The following RASSF8 variants were observed in gnomAD, a reference collection of about 807,000 sequenced individuals.
RASSF8 encodes the protein ras association domain-containing protein 8.
Under a neutral mutation model 48.5 loss-of-function variants are expected in RASSF8, and 22 were observed. That is an observed-to-expected ratio of 0.45 (90% confidence interval 0.32 to 0.65). RASSF8 has a LOEUF of 0.65. RASSF8 is among the 30% of genes least tolerant of loss of function. The pLI is 0.03. For synonymous variants in RASSF8, 127 were observed against 171.5 expected (o/e 0.74, Z 2.03); for missense variants, 418 against 489.2 (o/e 0.85, Z 1.37).
At chr12:26,014,464 G>T (rs1047446485) in intron 2 of RASSF8, among the ~76,000 whole-genome samples, 12 of 152,278 alleles carry the variant, frequency 7.9e-5, no homozygotes, top group African/African-American at 2.9e-4. Context: ...TGTTTTATAG[G>T]AAGAACAGAC....
At chr12:26,010,990 A>C (rs903116044) in intron 2 of RASSF8, among the ~76,000 whole-genome samples, 1 of 152,122 alleles carries the variant, frequency 6.6e-6, no homozygotes, top group East Asian at 1.9e-4. Flanking sequence ...CCTTCCTTGG[A>C]ATCCAAAAGT....
intron 2 of RASSF8, among the ~76,000 whole-genome samples, chr12:26,041,897 G>A (rs1164170869): frequency 2.0e-5 from 3 of 152,036 alleles, no homozygotes; most frequent in African/African-American, 7.3e-5. Context: ...AATTTTGCTG[G>A]ATAGCTCTAC....
At chr12:26,026,939 G>T (rs1020944304) in intron 2 of RASSF8, among the ~76,000 whole-genome samples, 1 of 152,012 alleles carries the variant, frequency 6.6e-6, no homozygotes, top group Non-Finnish European at 1.5e-5. Flanking sequence ...GCAAAAAGTT[G>T]TACATGAATG....
At chr12:26,005,890 C>T (rs1157999585) in intron 2 of RASSF8, among the ~76,000 whole-genome samples, 1 of 152,196 alleles carries the variant, frequency 6.6e-6, no homozygotes, top group East Asian at 1.9e-4. Context: ...GACAGTTTCC[C>T]TGTGATCTTC....
chr12:25,979,770 T>A (rs1232705926), intron 1 of RASSF8, among the ~76,000 whole-genome samples: 2 of 152,124 alleles, frequency 1.3e-5, no homozygotes, highest in Non-Finnish European at 2.9e-5. Context: ...AGGAGAGAGG[T>A]TGAGTACCCA....
chr12:26,022,631 AATAG>A (rs895574184), intron 2 of RASSF8, among the ~76,000 whole-genome samples: 10 of 152,326 alleles, frequency 6.6e-5, no homozygotes, highest in East Asian at 3.9e-4. Flanking sequence ...AATATTGGTA[AATAG>A]ATAGAAATTA....
At chr12:25,992,217 T>C (rs976598594) in intron 1 of RASSF8, among the ~76,000 whole-genome samples, 10 of 152,192 alleles carry the variant, frequency 6.6e-5, no homozygotes, top group Admixed American at 5.2e-4. Context: ...GTACCACTTA[T>C]GTGTTAGGCA....
intron 3 of RASSF8, among the ~76,000 whole-genome samples, chr12:26,057,022 AG>A (rs1292240677): frequency 1.3e-5 from 2 of 152,010 alleles, no homozygotes; most frequent in African/African-American, 4.8e-5. Context: ...GTGCTAAAAA[AG>A]AAAAAAAAAA....
chr12:25,976,514 C>A (rs568314541), intron 1 of RASSF8, among the ~76,000 whole-genome samples: 1 of 152,242 alleles, frequency 6.6e-6, no homozygotes, highest in South Asian at 2.1e-4. Flanking sequence ...CTTTCTGCAA[C>A]GAATCAGACT....
At chr12:25,964,284 C>G (rs1941306274) in intron 1 of RASSF8, among the ~76,000 whole-genome samples, 1 of 149,252 alleles carries the variant, frequency 6.7e-6, no homozygotes, top group African/African-American at 2.5e-5. Flanking sequence ...CTATTCTTAG[C>G]AAGTGTTTTT....
intron 2 of RASSF8, among the ~76,000 whole-genome samples, chr12:25,999,067 C>T (rs945655604): frequency 6.6e-6 from 1 of 152,104 alleles, no homozygotes; most frequent in African/African-American, 2.4e-5. Context: ...ATGGTTTTTA[C>T]AGGCTCTGGG....
At chr12:26,025,906 C>T (rs1286322103) in intron 2 of RASSF8, among the ~76,000 whole-genome samples, 2 of 151,910 alleles carry the variant, frequency 1.3e-5, no homozygotes, top group African/African-American at 4.8e-5. Context: ...AAAAAAAAGA[C>T]ATCTCATGTT....
intron 2 of RASSF8, among the ~76,000 whole-genome samples, chr12:26,023,407 TA>T (rs1942832479): frequency 6.6e-6 from 1 of 152,144 alleles, no homozygotes; most frequent in Non-Finnish European, 1.5e-5. Flanking sequence ...TGTTATTGCT[TA>T]AAAGGAAACA....
intron 1 of RASSF8, among the ~76,000 whole-genome samples, chr12:25,970,632 ACCCTCAGTGCC>A (rs1197643018): frequency 6.6e-6 from 1 of 152,018 alleles, no homozygotes; most frequent in Non-Finnish European, 1.5e-5. Context: ...TAAAAGCCCA[ACCCTCAGTGCC>A]CACAGGATTG....
At chr12:26,059,253 G>C (rs989117364) in intron 3 of RASSF8, among the ~76,000 whole-genome samples, 1 of 152,190 alleles carries the variant, frequency 6.6e-6, no homozygotes, top group African/African-American at 2.4e-5. Flanking sequence ...AAAGAAGGAA[G>C]AGAAGGAAAT....
chr12:25,967,742 C>T (rs571095161), intron 1 of RASSF8, among the ~76,000 whole-genome samples: 1 of 152,342 alleles, frequency 6.6e-6, no homozygotes, highest in Non-Finnish European at 1.5e-5. Flanking sequence ...CCTTACCCAA[C>T]TCCATGAACT....
chr12:26,041,143 C>T lies in RASSF8; in HGVS notation c.-108-14093C>T, dbSNP rs546999450. ...TCCTGACCTCATGATCCTCCCACCT[C>T]AGCCTCCCAAAGTGCGGGGATTACA... On this transcript the variant is annotated intron_variant, in intron 2 of 5. Coordinates refer to ENST00000689635, the MANE Select transcript of RASSF8 (RefSeq NM_001394098.1). 2.6e-5 allele frequency among the ~76,000 whole-genome samples: 4 copies of T among 152,190 alleles called. No homozygotes were observed. The South Asian group carries it at 8.3e-4, about 32-fold the overall frequency.
At chr12:26,073,403 A>G (rs1332267629), downstream of RASSF8, among the ~76,000 whole-genome samples, 1 of 152,180 alleles carries the variant, frequency 6.6e-6, no homozygotes, top group Non-Finnish European at 1.5e-5. Context: ...TGTCATTTTT[A>G]TAGGAATATT....
intron 2 of RASSF8, among the ~76,000 whole-genome samples, chr12:26,054,228 G>A (rs1943553210): frequency 6.6e-6 from 1 of 152,116 alleles, no homozygotes; most frequent in South Asian, 2.1e-4. Context: ...AGGAAGAGTT[G>A]AGAGTTTTTT....
Sources: allele counts gnomAD v4.1 joint callset (sites outside exome capture counted in the v4.1 genomes callset), GRCh38; gene constraint gnomAD v4.1.1; transcripts MANE v1.5; gene names NCBI Gene and HGNC (gene_info 2026-07-23, HGNC 2026-07-21).